The following HHAT variants were observed in gnomAD, a reference collection of about 807,000 sequenced individuals.
The protein encoded by HHAT is protein-cysteine N-palmitoyltransferase HHAT.
Under a neutral mutation model 70.8 loss-of-function variants are expected in HHAT, and 47 were observed. That is an observed-to-expected ratio of 0.66 (90% CI 0.53 to 0.85). The LOEUF is 0.85. HHAT is among the 40% of genes least tolerant of loss of function. HHAT has a pLI of 0.00. For synonymous variants in HHAT, 228 were observed against 247.6 expected, an observed-to-expected ratio of 0.92 and a Z score of 0.74; for missense variants, 609 against 604.8, an observed-to-expected ratio of 1.01 and a Z score of -0.07.
At chr1:210,524,644 G>A (rs2095218468) in intron 9 of HHAT, among the ~76,000 whole-genome samples, 3 of 152,166 alleles carry the variant, frequency 2.0e-5, no homozygotes. Flanking sequence ...GTTTTAAGTA[G>A]GGGAGTGACA....
chr1:210,514,713 G>T (rs141739603), intron 9 of HHAT, among the ~76,000 whole-genome samples: 8 of 152,166 alleles, frequency 5.3e-5, no homozygotes, highest in Non-Finnish European at 7.3e-5. Flanking sequence ...AAGGACAAGG[G>T]GGGTGAGGCA....
chr1:210,608,640 T>C (rs1665992147), intron 10 of HHAT, among the ~76,000 whole-genome samples: 1 of 152,222 alleles, frequency 6.6e-6, no homozygotes, highest in Non-Finnish European at 1.5e-5. Flanking sequence ...AATTGTAGTA[T>C]GATTTGAGTA....
chr1:210,615,918 C>G lies in HHAT; in HGVS notation c.1246-7608C>G, dbSNP rs374207759. ...CTTGAGGAGGCAGTCTGTCTGTTCTCAGATCTCAAGCTGCGTGCTGGGAGA... is the reference window on the plus strand; with the variant it reads ...CTTGAGGAGGCAGTCTGTCTGTTCTGAGATCTCAAGCTGCGTGCTGGGAGA... On this transcript the variant is annotated intron_variant, in intron 10 of 11. Coordinates refer to ENST00000261458, the MANE Select transcript of HHAT (RefSeq NM_018194.6). Among the ~76,000 whole-genome samples the G allele has an allele frequency of 2.0e-5, 3 of 152,300 alleles. No homozygotes were observed. In the East Asian group the frequency reaches 5.8e-4, roughly 29 times the overall value.
At chr1:210,601,937 C>CAGAGAGAGAGAGAGAGAGAG (rs147826172) in intron 10 of HHAT, among the ~76,000 whole-genome samples, 2,054 of 147,280 alleles carry the variant, frequency 0.014, 41 homozygotes, top group Middle Eastern at 0.052. Context: ...ATTTGAGACT[C>CAGAGAGAGAGAGAGAGAGAG]AGAGAGAGAG....
At position 210,339,257 on chromosome 1, in the gene HHAT, C is replaced by T. The variant is rs552510369; in HGVS notation, c.-43-9676C>T. ...ACATATATAAGAAGGTAGGGAACAA[C>T]CTTTGTGACATTTTATGTAATAAAG... On this transcript the variant is annotated intron_variant, in intron 1 of 11. Transcript: ENST00000261458. 5.0e-4 allele frequency among the ~76,000 whole-genome samples: 76 copies of T among 152,232 alleles called. 1 individual carries two copies. Among genetic ancestry groups the T allele is most frequent in the African/African-American group, 1.8e-3 (76 of 41,538 alleles).
At position 210,454,320 on chromosome 1, in the gene HHAT, G is replaced by A. The variant is rs370694418; in HGVS notation, c.857-10185G>A. Reference sequence around the variant, plus strand: ...TGTAATCCCAGCACTTCGGGAGGCCGAGGTGGGCAGATCACAAGGTCAGGA... The same window carrying A: ...TGTAATCCCAGCACTTCGGGAGGCCAAGGTGGGCAGATCACAAGGTCAGGA... On this transcript the variant is annotated intron_variant, in intron 7 of 11. Coordinates refer to ENST00000261458, the MANE Select transcript of HHAT (RefSeq NM_018194.6). Among the ~76,000 whole-genome samples, 23 of 152,288 alleles carry A rather than the reference G, an allele frequency of 1.5e-4. No individual in the cohort carries two copies. The East Asian group carries it at 3.3e-3, about 22-fold the overall frequency.
intron 11 of HHAT, among the ~76,000 whole-genome samples, chr1:210,625,471 T>G (rs1669668154): frequency 6.6e-6 from 1 of 152,136 alleles, no homozygotes. Flanking sequence ...CGAATGTGAG[T>G]GCCAAACACA....
intron 10 of HHAT, among the ~76,000 whole-genome samples, chr1:210,602,396 A>G (rs1244335287): frequency 1.3e-5 from 2 of 152,172 alleles, no homozygotes; most frequent in African/African-American, 4.8e-5. Context: ...CAAGGCTTGA[A>G]TAGCACACTG....
chr1:210,543,813 A>G (rs2069152), intron 9 of HHAT, among the ~76,000 whole-genome samples: 58 of 152,228 alleles, frequency 3.8e-4, no homozygotes, highest in African/African-American at 1.3e-3. Flanking sequence ...ATCTAGCAAC[A>G]TCCTCAGAAA....
intron 8 of HHAT, among the ~76,000 whole-genome samples, chr1:210,501,111 A>C (rs1392176879): frequency 6.6e-6 from 1 of 152,178 alleles, no homozygotes; most frequent in Non-Finnish European, 1.5e-5. Flanking sequence ...TCATTGCATC[A>C]CTTATGTTTC....
At chr1:210,671,136 G>T (rs942987131) in intron 11 of HHAT, among the ~76,000 whole-genome samples, 6 of 152,208 alleles carry the variant, frequency 3.9e-5, no homozygotes, top group Non-Finnish European at 5.9e-5. Context: ...AAGCAGAGCT[G>T]TGCAATGCCC....
intron 8 of HHAT, among the ~76,000 whole-genome samples, chr1:210,503,328 CCTA>C (rs1051930703): frequency 6.6e-6 from 1 of 152,126 alleles, no homozygotes; most frequent in African/African-American, 2.4e-5. Flanking sequence ...GTTTAATTGT[CCTA>C]CTAGAACAGG....
intron 11 of HHAT, among the ~76,000 whole-genome samples, chr1:210,649,738 GT>G (rs1167608691): frequency 3.3e-5 from 5 of 152,184 alleles, no homozygotes; most frequent in African/African-American, 9.7e-5. Context: ...GGAGTGTTGG[GT>G]TTGGGGATCC....
intron 7 of HHAT, among the ~76,000 whole-genome samples, chr1:210,426,039 T>A (rs2093051986): frequency 6.6e-6 from 1 of 152,218 alleles, no homozygotes; most frequent in Non-Finnish European, 1.5e-5. Context: ...GTTGTAGTTA[T>A]ACTTGTAGCT....
At chr1:210,515,298 C>G (rs1426304882) in intron 9 of HHAT, among the ~76,000 whole-genome samples, 1 of 152,164 alleles carries the variant, frequency 6.6e-6, no homozygotes, top group Non-Finnish European at 1.5e-5. Flanking sequence ...AACAAGCAAA[C>G]AACTTAATGA....
intron 10 of HHAT, among the ~76,000 whole-genome samples, chr1:210,595,239 G>T (rs1662697907): frequency 2.6e-5 from 4 of 152,096 alleles, no homozygotes; most frequent in Admixed American, 6.6e-5. Flanking sequence ...CCTTGTGATG[G>T]TTTGCTGAGA....
intron 3 of HHAT, among the ~76,000 whole-genome samples, 167 bp downstream of exon 3, chr1:210,363,086 C>T (rs2088533568): frequency 6.6e-6 from 1 of 152,134 alleles, no homozygotes; most frequent in Non-Finnish European, 1.5e-5. Flanking sequence ...AAGGCGTTCC[C>T]AGGGTCTCTA....
intron 10 of HHAT, among the ~76,000 whole-genome samples, chr1:210,610,918 T>G (rs1666447613): frequency 6.6e-6 from 1 of 152,182 alleles, no homozygotes; most frequent in South Asian, 2.1e-4. Flanking sequence ...ATTGTAGCCT[T>G]GTACTATAGT....
rs1172561477 is a variant in HHAT, at chr1:210,375,708, A to G, written c.160-11760A>G. On this transcript the variant is annotated intron_variant, in intron 3 of 11. Coordinates refer to ENST00000261458, the MANE Select transcript of HHAT (RefSeq NM_018194.6). ...TCTTTGAACGTATTTTTAACCTCAT[A>G]TTTTTTCTTCTTTCCTTCTGGAAAA... 2.7e-5 allele frequency among the ~76,000 whole-genome samples: 4 copies of G among 149,196 alleles called. No homozygotes were observed. The East Asian group carries it at 7.9e-4, about 29-fold the overall frequency.
Sources: allele counts gnomAD v4.1 joint callset (sites outside exome capture counted in the v4.1 genomes callset), GRCh38; gene constraint gnomAD v4.1.1; transcripts MANE v1.5; gene names NCBI Gene and HGNC (gene_info 2026-07-23, HGNC 2026-07-21).